Variants in PPP2R2A observed in about 807,000 individuals in gnomAD.
PPP2R2A encodes protein phosphatase 2 regulatory subunit Balpha.
PPP2R2A carries 9 observed loss-of-function variants against 53.2 expected under a neutral mutation model. That is an observed-to-expected ratio of 0.17 (90% CI 0.10 to 0.30). PPP2R2A has a LOEUF of 0.30. PPP2R2A is among the 10% of genes least tolerant of loss of function. The probability of loss-of-function intolerance (pLI) is 1.00; values close to 1 mark genes in which losing one functional copy is unlikely to be tolerated. For synonymous variants in PPP2R2A, 169 were observed against 174.2 expected (o/e 0.97, Z 0.23); for missense variants, 235 against 534.6 (o/e 0.44, Z 5.53).
intron 3 of PPP2R2A, among the ~76,000 whole-genome samples, chr8:26,348,702 G>C (rs1044281760): frequency 1.3e-5 from 2 of 152,196 alleles, no homozygotes; most frequent in South Asian, 4.1e-4. Context: ...GTTGAAAAAT[G>C]TTAAGTGAAA....
At chr8:26,304,570 A>G (rs1343869298) in intron 2 of PPP2R2A, among the ~76,000 whole-genome samples, 4 of 152,208 alleles carry the variant, frequency 2.6e-5, no homozygotes, top group Non-Finnish European at 5.9e-5. Flanking sequence ...AAGTAGAAAT[A>G]GTACCTTTTT....
intron 2 of PPP2R2A, among the ~76,000 whole-genome samples, chr8:26,322,179 A>G (rs995081484): frequency 1.3e-5 from 2 of 152,260 alleles, no homozygotes; most frequent in African/African-American, 4.8e-5. Flanking sequence ...ATCAGAGAGC[A>G]GGAAGGAGTT....
intron 2 of PPP2R2A, among the ~76,000 whole-genome samples, chr8:26,314,250 G>C (rs1366066431): frequency 6.6e-6 from 1 of 152,126 alleles, no homozygotes; most frequent in Admixed American, 6.5e-5. Flanking sequence ...TCCCCTCCTA[G>C]TATATTGAAG....
chr8:26,364,029 A>G, intron 8 of PPP2R2A, 139 bp downstream of exon 8: 1 of 674,188 alleles, frequency 1.5e-6, no homozygotes, highest in Non-Finnish European at 2.2e-6. Flanking sequence ...ATCTATGAGT[A>G]TGTTGCTCTT....
chr8:26,363,991 GTTC>G, intron 8 of PPP2R2A, 101 bp downstream of exon 8: 1 of 1,113,170 alleles, frequency 9.0e-7, no homozygotes, highest in Non-Finnish European at 1.2e-6. Context: ...TATGGTGTTT[GTTC>G]ACCATTAGGC....
chr8:26,318,613 A>G (rs1298312994), intron 2 of PPP2R2A, among the ~76,000 whole-genome samples: 1 of 152,224 alleles, frequency 6.6e-6, no homozygotes, highest in Non-Finnish European at 1.5e-5. Flanking sequence ...TTAAAATACC[A>G]GTTTATACTG....
Position 26,362,167 on chromosome 8 carries a change from C to A in PPP2R2A, c.638-517C>A, listed in dbSNP as rs988536330. Reference sequence around the variant, plus strand: ...TTAAGATTAGAAAAAGAAATTCACGCAAGTCATGATGCATGATTGGGTAAA... The same window carrying A: ...TTAAGATTAGAAAAAGAAATTCACGAAAGTCATGATGCATGATTGGGTAAA... On this transcript the variant is annotated intron_variant, in intron 6 of 9. Transcript: ENST00000380737. This position sits in a 1 kb window ranked among gnomAD's most constrained non-coding sequence, Gnocchi z 4.4. Among the ~76,000 whole-genome samples, 1 of 151,318 alleles carries A rather than the reference C, an allele frequency of 6.6e-6. No homozygotes were observed. The highest frequency in any genetic ancestry group is 6.6e-5 in the Admixed American group (1 of 15,188).
intron 6 of PPP2R2A, among the ~76,000 whole-genome samples, chr8:26,361,725 C>T (rs1192668583): frequency 4.6e-5 from 7 of 151,866 alleles, no homozygotes; most frequent in Non-Finnish European, 4.4e-5. Flanking sequence ...TTTGGGAGGT[C>T]AAGGTGGGTG....
chr8:26,346,872 G>A (rs1804247222), intron 3 of PPP2R2A, among the ~76,000 whole-genome samples: 1 of 152,156 alleles, frequency 6.6e-6, no homozygotes, highest in African/African-American at 2.4e-5. Flanking sequence ...TATCTGATCC[G>A]ATCTTATTTG....
At chr8:26,318,362 C>T (rs923719795) in intron 2 of PPP2R2A, among the ~76,000 whole-genome samples, 25 of 151,986 alleles carry the variant, frequency 1.6e-4, no homozygotes, top group African/African-American at 5.8e-4. Context: ...TTTCAAGGTA[C>T]GGTAATGGTG....
chr8:26,291,961 G>C, intron 1 of PPP2R2A, 135 bp downstream of exon 1: 11 of 1,275,484 alleles, frequency 8.6e-6, no homozygotes, highest in Non-Finnish European at 1.1e-5. Context: ...AGGGTCCAGA[G>C]GGGTGGGGTG....
At chr8:26,315,199 G>C (rs1403618691) in intron 2 of PPP2R2A, among the ~76,000 whole-genome samples, 3 of 152,058 alleles carry the variant, frequency 2.0e-5, no homozygotes, top group Non-Finnish European at 4.4e-5. Flanking sequence ...TTGGTTGTCT[G>C]TTAGTTCTTA....
chr8:26,361,926 A>G (rs1293568128), intron 6 of PPP2R2A, among the ~76,000 whole-genome samples: 3 of 151,246 alleles, frequency 2.0e-5, no homozygotes, highest in Non-Finnish European at 4.4e-5. Flanking sequence ...GTGCCATTGC[A>G]CTCCAGCCTG....
intron 4 of PPP2R2A, among the ~76,000 whole-genome samples, chr8:26,359,869 A>C (rs969121548): frequency 3.3e-5 from 5 of 152,194 alleles, no homozygotes; most frequent in African/African-American, 1.2e-4. Flanking sequence ...CATACACCAC[A>C]CATGCATATC....
intron 2 of PPP2R2A, among the ~76,000 whole-genome samples, chr8:26,300,951 G>A (rs1456609085): frequency 6.6e-6 from 1 of 152,218 alleles, no homozygotes; most frequent in African/African-American, 2.4e-5. Context: ...GCCATCTTGA[G>A]TACCTACATT....
In PPP2R2A at chr8:26,338,248, GACTGTGAAGTCAGC is replaced by G. The variant is rs1269085964; in HGVS notation, c.83-637_83-624del. Among the ~76,000 whole-genome samples the G allele has an allele frequency of 6.6e-6, 1 of 152,184 alleles. No individual in the cohort carries two copies. Among genetic ancestry groups the G allele is most frequent in the Non-Finnish European group, 1.5e-5 (1 of 68,030 alleles). Reference sequence around the variant, plus strand: ...AAACTTGACAGTTTTCTTTGATCATGACTGTGAAGTCAGCACTGAGCTGGTAGAATCCATGTGAC... The same window carrying G: ...AAACTTGACAGTTTTCTTTGATCATGACTGAGCTGGTAGAATCCATGTGAC... On this transcript the variant is annotated intron_variant, in intron 2 of 9. Transcript: ENST00000380737. The surrounding 1 kb of genome is among the most constrained non-coding windows in gnomAD (Gnocchi z 4.5).
chr8:26,323,011 A>G (rs1422616181), intron 2 of PPP2R2A, among the ~76,000 whole-genome samples: 1 of 152,208 alleles, frequency 6.6e-6, no homozygotes, highest in African/African-American at 2.4e-5. Flanking sequence ...TTTTAAAAAC[A>G]CGGTCTTTGC....
At chr8:26,316,453 T>A (rs1176543309) in intron 2 of PPP2R2A, among the ~76,000 whole-genome samples, 1 of 152,234 alleles carries the variant, frequency 6.6e-6, no homozygotes, top group Non-Finnish European at 1.5e-5. Flanking sequence ...CCGTGAGGTT[T>A]TAAAGAACTT....
chr8:26,295,816 T>G (rs1801517840), intron 2 of PPP2R2A, among the ~76,000 whole-genome samples: 1 of 152,216 alleles, frequency 6.6e-6, no homozygotes, highest in African/African-American at 2.4e-5. Context: ...ATTTGGATAT[T>G]TCTGCATACT....
Sources: allele counts gnomAD v4.1 joint callset (sites outside exome capture counted in the v4.1 genomes callset), GRCh38; gene constraint gnomAD v4.1.1; non-coding constraint Gnocchi (gnomAD v3.1); transcripts MANE v1.5; gene names NCBI Gene and HGNC (gene_info 2026-07-23, HGNC 2026-07-21).